The following PWWP3A variants were observed in gnomAD, a reference collection of about 807,000 sequenced individuals.
The protein encoded by PWWP3A is PWWP domain-containing DNA repair factor 3A.
Under a neutral mutation model 79.0 loss-of-function variants are expected in PWWP3A, and 53 were observed. The ratio of observed to expected loss-of-function variants is 0.67; its 90% confidence interval spans 0.54 to 0.84. PWWP3A has a LOEUF of 0.84. Among genes scored for constraint, PWWP3A ranks in the 40% least tolerant of loss-of-function variants. The probability of loss-of-function intolerance (pLI) is 0.00; values close to 1 mark genes in which losing one functional copy is unlikely to be tolerated. For missense variants in PWWP3A, 973 were observed against 948.0 expected (o/e 1.03, Z -0.35); for synonymous variants, 443 against 394.4 (o/e 1.12, Z -1.46).
rs1600137214 is a variant in PWWP3A, at chr19:1,376,617, A to G, written c.*41A>G. On this transcript the variant is annotated 3_prime_UTR_variant, in exon 14 of 14. Coordinates refer to ENST00000591337, the MANE Select transcript of PWWP3A (RefSeq NM_001369789.1). ...TGCTGTCAGCGGGGCCTGGCGGTGG[A>G]AGCGCCTCCAGTGTGCATGAGCGTG... 1 of 1,605,972 alleles carries G rather than the reference A, an allele frequency of 6.2e-7. No homozygotes were observed. Among genetic ancestry groups the G allele is most frequent in the South Asian group, 1.1e-5 (1 of 90,812 alleles).
chr19:1,355,942 T>C (rs1278176992), intron 1 of PWWP3A, among the ~76,000 whole-genome samples: 1 of 152,124 alleles, frequency 6.6e-6, no homozygotes, highest in Non-Finnish European at 1.5e-5. Flanking sequence ...GTGTGTGTGC[T>C]GTGGTCAACT....
chr19:1,371,567 T>C (rs1600124955), intron 12 of PWWP3A: 2 of 607,978 alleles, frequency 3.3e-6, no homozygotes, highest in South Asian at 1.9e-5. Context: ...GAACTTCAGC[T>C]GCGGATTTGG....
intron 8 of PWWP3A, 39 bp from the exon 9 acceptor site, chr19:1,367,121 A>C: frequency 2.1e-5 from 32 of 1,521,574 alleles, no homozygotes; most frequent in South Asian, 3.4e-5. Flanking sequence ...TATTAGAGGA[A>C]GTTCATTCAT....
chr19:1,375,011 G>A, intron 13 of PWWP3A, among the ~76,000 whole-genome samples: 1 of 151,790 alleles, frequency 6.6e-6, no homozygotes, highest in Non-Finnish European at 1.5e-5. Context: ...ACGAGGTCAG[G>A]AGTTCGAGAC....
chr19:1,360,998 TCTTC>T lies in PWWP3A; in HGVS notation c.1081_1084del (p.Pro361AlafsTer50). 4 of 1,439,060 alleles carry T rather than the reference TCTTC, an allele frequency of 2.8e-6. No homozygotes were observed. Among genetic ancestry groups the T allele is most frequent in the Non-Finnish European group, 3.7e-6 (4 of 1,094,528 alleles). 89.1% of individuals were successfully genotyped at this position (1,439,060 alleles called of 1,614,324 possible). ...ACGCCTCTGCGGATGCAACCAGATG[TCTTC>T]CTTGCCCGGATTCCCAGAAGCTGGA... On this transcript the variant is annotated frameshift_variant, in exon 5 of 14. Transcript: ENST00000591337. LOFTEE classifies it high-confidence loss of function. This position sits in a 1 kb window ranked among gnomAD's most constrained non-coding sequence, Gnocchi z 4.4.
At chr19:1,367,350 G>A in intron 9 of PWWP3A, 130 bp downstream of exon 9, 1 of 746,748 alleles carries the variant, frequency 1.3e-6, no homozygotes, top group Non-Finnish European at 2.2e-6. Flanking sequence ...AAGTAGCAGA[G>A]CCAGGCTGCG....
chr19:1,364,043 A>G (rs192529410), intron 6 of PWWP3A: 52 of 425,768 alleles, frequency 1.2e-4, no homozygotes, highest in Non-Finnish European at 1.9e-4. Context: ...TAATTTTCCC[A>G]TTTTTGACTG....
chr19:1,371,423 A>G (rs1358724483), intron 12 of PWWP3A: 1 of 702,192 alleles, frequency 1.4e-6, no homozygotes, highest in Non-Finnish European at 2.6e-6. Context: ...CGAGTTGGAA[A>G]TTCCCAAGTC....
intron 1 of PWWP3A, among the ~76,000 whole-genome samples, chr19:1,355,638 C>T (rs1014335724): frequency 1.4e-5 from 2 of 144,642 alleles, no homozygotes; most frequent in Non-Finnish European, 3.0e-5. Flanking sequence ...CGCAACCCTT[C>T]CTCCGCCATG....
chr19:1,375,566 A>AATAATATGATTTTATATATTGT (rs1568965688), intron 13 of PWWP3A, among the ~76,000 whole-genome samples: 1 of 81,324 alleles, frequency 1.2e-5, no homozygotes, highest in Non-Finnish European at 2.2e-5. Flanking sequence ...TTATATATAA[A>AATAATATGATTTTATATATTGT]ATATATTATA....
At chr19:1,363,946 A>G (rs1002794203) in intron 6 of PWWP3A, among the ~76,000 whole-genome samples, 46 of 152,154 alleles carry the variant, frequency 3.0e-4, no homozygotes, top group African/African-American at 1.0e-3. Flanking sequence ...TTTTTCTAAT[A>G]CTTTAGTTTT....
intron 1 of PWWP3A, 69 bp from the exon 2 acceptor site, chr19:1,356,255 T>C: frequency 1.3e-6 from 1 of 790,482 alleles, no homozygotes; most frequent in Non-Finnish European, 2.1e-6. Context: ...CCTTTGCCCC[T>C]GAGGGCTGTG....
intron 5 of PWWP3A, 193 bp from the exon 6 acceptor site, chr19:1,362,057 T>A: frequency 1.0e-5 from 4 of 395,126 alleles, no homozygotes; most frequent in Admixed American, 4.1e-5. Flanking sequence ...CCTTCCCTCC[T>A]TCCCTCTTGC....
At chr19:1,365,843 T>A (rs536995050) in intron 7 of PWWP3A, among the ~76,000 whole-genome samples, 9 of 152,228 alleles carry the variant, frequency 5.9e-5, no homozygotes, top group Non-Finnish European at 1.3e-4. Flanking sequence ...CCTCACTGCC[T>A]TCTCACGGTG....
At chr19:1,371,586 G>A (rs1485728466) in intron 12 of PWWP3A, 26 of 603,370 alleles carry the variant, frequency 4.3e-5, no homozygotes, top group Non-Finnish European at 5.0e-5. Flanking sequence ...GGGGCTTGGT[G>A]AGGAGCAAAT....
chr19:1,357,920 A>T, intron 3 of PWWP3A: 1 of 162,424 alleles, frequency 6.2e-6, no homozygotes, highest in South Asian at 1.7e-4. Context: ...GCATCTTCAG[A>T]GCTGCCTCTG....
At chr19:1,357,278 T>G in intron 3 of PWWP3A, 184 bp downstream of exon 3, 1 of 541,076 alleles carries the variant, frequency 1.8e-6, no homozygotes. Context: ...TATGTCAGTT[T>G]GGAAGCTGAA....
chr19:1,366,312 G>A lies in PWWP3A; in HGVS notation c.1292G>A (p.Ser431Asn). The A allele has an allele frequency of 6.2e-7, 1 of 1,614,196 alleles. No homozygotes were observed. Among genetic ancestry groups the A allele is most frequent in the Non-Finnish European group, 8.5e-7 (1 of 1,179,988 alleles). ...TCTTGGATTTGTGAACAGGTCAAAA[G>A]CGTCAGGCAGAGAGATAAGAAAGCA... ...KYPFWPAVVK[S>N]VRQRDKKASV... is the part of the protein sequence containing the mutation. The change falls in exon 8 of 14, where the codon AGC becomes AAC. Residue 431 changes from serine to asparagine, a missense_variant. Transcript: ENST00000591337.
chr19:1,365,059 G>A (rs1483410424), intron 7 of PWWP3A, among the ~76,000 whole-genome samples: 1 of 152,232 alleles, frequency 6.6e-6, no homozygotes, highest in Non-Finnish European at 1.5e-5. Flanking sequence ...GGTAGAGGTT[G>A]CAGTGAGCCA....
Sources: gnomAD v4.1 joint callset for allele counts (sites outside exome capture counted in the v4.1 genomes callset) on GRCh38, gnomAD v4.1.1 for gene constraint, Gnocchi (gnomAD v3.1) non-coding constraint, MANE v1.5 for transcripts, NCBI Gene and HGNC (gene_info 2026-07-23, HGNC 2026-07-21) for gene names.